The following PPP3R1 variants were observed in gnomAD, a reference collection of about 807,000 sequenced individuals.
The protein encoded by PPP3R1 is protein phosphatase 3 regulatory subunit B, alpha.
A neutral mutation model predicts 22.6 loss-of-function variants in PPP3R1; 5 were observed. That is an observed-to-expected ratio of 0.22 (90% CI 0.12 to 0.46). The LOEUF (loss-of-function observed/expected upper bound fraction) is 0.46. Ranked by LOEUF, PPP3R1 falls within the 20% of genes least tolerant of loss-of-function variation. The pLI, the probability that PPP3R1 is intolerant of heterozygous loss-of-function variation, is 0.99. For synonymous variants in PPP3R1, 56 were observed against 65.2 expected (o/e 0.86, Z 0.68); for missense variants, 61 against 203.2 (o/e 0.30, Z 4.25).
At chr2:68,205,447 T>A (rs571496328) in intron 2 of PPP3R1, among the ~76,000 whole-genome samples, 30 of 152,176 alleles carry the variant, frequency 2.0e-4, no homozygotes, top group African/African-American at 6.7e-4. Flanking sequence ...TTTCACCATG[T>A]CAGTCAGGCT....
chr2:68,206,523 T>G (rs1675128090), intron 2 of PPP3R1, among the ~76,000 whole-genome samples: 1 of 152,326 alleles, frequency 6.6e-6, no homozygotes, highest in East Asian at 1.9e-4. Flanking sequence ...TTGGGTAGAA[T>G]GCTGATGATG....
intron 2 of PPP3R1, among the ~76,000 whole-genome samples, chr2:68,198,329 GTACATATA>G (rs1674863074): frequency 1.2e-5 from 1 of 86,774 alleles, no homozygotes; most frequent in African/African-American, 5.6e-5. Flanking sequence ...ATATACATAT[GTACATATA>G]TGTACATGTA....
chr2:68,205,267 G>A (rs1193191473), intron 2 of PPP3R1, among the ~76,000 whole-genome samples: 9 of 111,006 alleles, frequency 8.1e-5, no homozygotes, highest in African/African-American at 2.9e-4. Context: ...TTTTTGAAAC[G>A]GCGTTTCACT....
At chr2:68,181,054 ACTC>A (rs1674389030) in intron 5 of PPP3R1, 44 bp from the exon 6 acceptor site, 1 of 1,571,858 alleles carries the variant, frequency 6.4e-7, no homozygotes, top group African/African-American at 1.4e-5. Flanking sequence ...TGTCTGAGAA[ACTC>A]CTCATTCGTG....
At chr2:68,207,862 A>G (rs200123976) in intron 2 of PPP3R1, among the ~76,000 whole-genome samples, 1 of 152,166 alleles carries the variant, frequency 6.6e-6, no homozygotes, top group Non-Finnish European at 1.5e-5. Context: ...AGAAACTATA[A>G]AACAGACTCA....
chr2:68,232,374 G>A (rs976321007), intron 1 of PPP3R1, among the ~76,000 whole-genome samples: 8 of 147,950 alleles, frequency 5.4e-5, no homozygotes, highest in African/African-American at 2.0e-4. Flanking sequence ...CTGGGAGGTG[G>A]AGGTTGCAGT....
At chr2:68,220,132 T>C (rs1235768247) in intron 1 of PPP3R1, among the ~76,000 whole-genome samples, 3 of 152,220 alleles carry the variant, frequency 2.0e-5, no homozygotes. Context: ...AGGATCTATG[T>C]CCCAGCTTAC....
At chr2:68,229,904 G>A (rs192494569) in intron 1 of PPP3R1, among the ~76,000 whole-genome samples, 1 of 151,416 alleles carries the variant, frequency 6.6e-6, no homozygotes, top group Non-Finnish European at 1.5e-5. Context: ...ATATACGGGT[G>A]TGTGTGTATA....
chr2:68,203,601 C>CA (rs35483386), intron 2 of PPP3R1, among the ~76,000 whole-genome samples: 63,574 of 142,158 alleles, frequency 0.45, 13,811 homozygotes, highest in South Asian at 0.61. Context: ...AACTCTGTCT[C>CA]AAAAAAAAAA....
intron 1 of PPP3R1, among the ~76,000 whole-genome samples, chr2:68,236,801 G>A (rs1374340753): frequency 6.6e-6 from 1 of 152,058 alleles, no homozygotes; most frequent in Non-Finnish European, 1.5e-5. Context: ...AAGGAATGTG[G>A]CCTTTTTCTA....
intron 2 of PPP3R1, among the ~76,000 whole-genome samples, chr2:68,202,826 G>A (rs1380181932): frequency 2.1e-5 from 2 of 94,124 alleles, no homozygotes; most frequent in South Asian, 3.0e-4. Context: ...TTTTTGAGAC[G>A]GAGTCTCGCT....
intron 1 of PPP3R1, among the ~76,000 whole-genome samples, chr2:68,227,956 A>T (rs1294754826): frequency 6.6e-6 from 1 of 152,152 alleles, no homozygotes; most frequent in Non-Finnish European, 1.5e-5. Context: ...ATGCCTTTAT[A>T]TTCTTTTCCT....
intron 1 of PPP3R1, among the ~76,000 whole-genome samples, chr2:68,247,635 G>A (rs1479548146): frequency 6.6e-6 from 1 of 152,208 alleles, no homozygotes; most frequent in Non-Finnish European, 1.5e-5. Context: ...CTCGAGGACA[G>A]GAACAGTATT....
chr2:68,225,090 G>A (rs1236406990), intron 1 of PPP3R1, among the ~76,000 whole-genome samples: 3 of 152,212 alleles, frequency 2.0e-5, no homozygotes, highest in Non-Finnish European at 4.4e-5. Context: ...GTGGTGAACA[G>A]AATTCTTAGG....
At chr2:68,198,174 C>A (rs889100781) in intron 2 of PPP3R1, among the ~76,000 whole-genome samples, 2 of 134,002 alleles carry the variant, frequency 1.5e-5, no homozygotes, top group African/African-American at 5.6e-5. Flanking sequence ...TATATACATA[C>A]ATGTATATAT....
At chr2:68,231,931 C>T (rs1204002196) in intron 1 of PPP3R1, among the ~76,000 whole-genome samples, 2 of 151,358 alleles carry the variant, frequency 1.3e-5, no homozygotes, top group African/African-American at 2.4e-5. Context: ...CCCAAGTATC[C>T]ATGAACCACT....
chr2:68,232,108 A>T (rs35637835), intron 1 of PPP3R1, among the ~76,000 whole-genome samples: 22,918 of 89,188 alleles, frequency 0.26, 2,806 homozygotes, highest in African/African-American at 0.28. Flanking sequence ...AAAAAAAAAA[A>T]ATATATATAT....
At chr2:68,229,857 GGTGTGT>G (rs371523620) in intron 1 of PPP3R1, among the ~76,000 whole-genome samples, 3 of 149,406 alleles carry the variant, frequency 2.0e-5, no homozygotes, top group East Asian at 2.0e-4. Flanking sequence ...ATGTTTAATT[GGTGTGT>G]GTGTGTGTGT....
intron 5 of PPP3R1, among the ~76,000 whole-genome samples, 179 bp from the exon 6 acceptor site, chr2:68,181,189 A>C (rs1674392752): frequency 6.6e-6 from 1 of 152,164 alleles, no homozygotes; most frequent in Non-Finnish European, 1.5e-5. Flanking sequence ...GGAGATCGAG[A>C]CCATCCTGGC....
Sources: allele counts gnomAD v4.1 joint callset (sites outside exome capture counted in the v4.1 genomes callset), GRCh38; gene constraint gnomAD v4.1.1; transcripts MANE v1.5; gene names NCBI Gene and HGNC (gene_info 2026-07-23, HGNC 2026-07-21).